The following ATP11C variants were observed in gnomAD, a reference collection of about 807,000 sequenced individuals.
ATP11C encodes the protein ATPase phospholipid transporting 11C (ATP11C blood group).
ATP11C carries 36 observed loss-of-function variants against 97.4 expected under a neutral mutation model. That is an observed-to-expected ratio of 0.37 (90% confidence interval 0.28 to 0.49). The LOEUF is 0.49. Among genes scored for constraint, ATP11C ranks in the 20% least tolerant of loss-of-function variants. ATP11C has a pLI of 0.98. For missense variants in ATP11C, 730 were observed against 824.6 expected (o/e 0.89, Z 1.40); for synonymous variants, 275 against 290.9 (o/e 0.95, Z 0.56).
chrX:139,765,447 T>C (rs1345356575), intron 20 of ATP11C, among the ~76,000 whole-genome samples: 1 of 111,903 alleles, frequency 8.9e-6, no homozygotes, highest in Non-Finnish European at 1.9e-5. Context: ...TGCAGGAATG[T>C]ATGATATTGT....
chrX:139,876,726 G>A (rs773917502), intron 1 of ATP11C, among the ~76,000 whole-genome samples: 1 of 112,288 alleles, frequency 8.9e-6, no homozygotes, highest in East Asian at 2.8e-4. Flanking sequence ...AGGAGGTAAC[G>A]ATGTAGAAAG....
At position 139,932,151 on chromosome X, in the gene ATP11C, A is replaced by T; in HGVS notation, c.-109T>A. On this transcript the variant is annotated 5_prime_UTR_variant, in exon 1 of 30. Transcript: ENST00000682941. ...GCCGGCGGCGCCAAGCGGAGCAGCGAGGCGGGCGGCCGGGCCACCCGCTCG... is the reference window on the plus strand; with the variant it reads ...GCCGGCGGCGCCAAGCGGAGCAGCGTGGCGGGCGGCCGGGCCACCCGCTCG... 1.3e-6 allele frequency: 1 copy of T among 771,761 alleles called. No homozygotes were observed. Among genetic ancestry groups the T allele is most frequent in the Non-Finnish European group, 1.6e-6 (1 of 612,806 alleles). The allele number at this position is 771,761 out of a possible 1,213,427, so 63.6% of individuals were successfully genotyped here. A position where few individuals can be genotyped will look rare whatever the true frequency, so the allele number is the denominator to read the frequency against.
intron 1 of ATP11C, among the ~76,000 whole-genome samples, chrX:139,887,068 C>A (rs2148060448): frequency 9.0e-6 from 1 of 111,655 alleles, no homozygotes; most frequent in East Asian, 2.8e-4. Context: ...TAATTTTTGA[C>A]AAGGATGCCA....
At chrX:139,784,047 A>G (rs1242253020) in intron 16 of ATP11C, among the ~76,000 whole-genome samples, 1 of 112,212 alleles carries the variant, frequency 8.9e-6, no homozygotes, top group African/African-American at 3.2e-5. Flanking sequence ...GAATGCTGGT[A>G]TAATTGCAGC....
At chrX:139,906,279 T>C (rs1448639647) in intron 1 of ATP11C, among the ~76,000 whole-genome samples, 1 of 106,704 alleles carries the variant, frequency 9.4e-6, no homozygotes, top group African/African-American at 3.4e-5. Flanking sequence ...TTAGCTGGGG[T>C]CATGGCATAT....
intron 28 of ATP11C, among the ~76,000 whole-genome samples, chrX:139,736,097 C>A (rs1397731506): frequency 9.0e-6 from 1 of 111,591 alleles, no homozygotes; most frequent in African/African-American, 3.3e-5. Context: ...CCCCTGGCAA[C>A]AGTCTATGCT....
intron 28 of ATP11C, 89 bp downstream of exon 28, chrX:139,737,827 A>G: frequency 1.3e-5 from 12 of 901,774 alleles, no homozygotes; most frequent in Non-Finnish European, 1.9e-5. Flanking sequence ...TGCTGTAACT[A>G]ATGTAATTTT....
At chrX:139,925,898 A>T (rs1261716456) in intron 1 of ATP11C, among the ~76,000 whole-genome samples, 1 of 111,688 alleles carries the variant, frequency 9.0e-6, no homozygotes, top group African/African-American at 3.3e-5. Flanking sequence ...TTTATAAATC[A>T]CATCTTCTAT....
intron 1 of ATP11C, among the ~76,000 whole-genome samples, chrX:139,930,895 G>A (rs1466093278): frequency 8.9e-6 from 1 of 112,412 alleles, no homozygotes; most frequent in East Asian, 2.8e-4. Flanking sequence ...TGTTAGCAAC[G>A]TTTTGATTAG....
At chrX:139,739,258 A>C (rs1241564269) in intron 27 of ATP11C, among the ~76,000 whole-genome samples, 3 of 110,462 alleles carry the variant, frequency 2.7e-5, no homozygotes, top group Non-Finnish European at 3.8e-5. Flanking sequence ...CCTTGGCATC[A>C]TACCTTCTGA....
intron 28 of ATP11C, among the ~76,000 whole-genome samples, chrX:139,736,879 C>T (rs1486425592): frequency 9.0e-6 from 1 of 111,436 alleles, no homozygotes. Flanking sequence ...TCCTCTTTTA[C>T]AATTCTAATC....
At chrX:139,739,680 A>G in intron 27 of ATP11C, among the ~76,000 whole-genome samples, 1 of 111,998 alleles carries the variant, frequency 8.9e-6, no homozygotes, top group East Asian at 2.8e-4. Flanking sequence ...TTCATCAATA[A>G]GGAATAGTCT....
intron 1 of ATP11C, among the ~76,000 whole-genome samples, chrX:139,919,749 A>T (rs371960108): frequency 9.1e-6 from 1 of 110,141 alleles, no homozygotes; most frequent in African/African-American, 3.3e-5. Flanking sequence ...GTGAAACCCC[A>T]TATCTACTAA....
At chrX:139,842,191 G>A (rs1203168450) in intron 1 of ATP11C, among the ~76,000 whole-genome samples, 1 of 111,870 alleles carries the variant, frequency 8.9e-6, no homozygotes, top group African/African-American at 3.3e-5. Context: ...GCCACCACAC[G>A]CACCTAATTT....
chrX:139,733,965 G>A lies in ATP11C; in HGVS notation c.3289-2210C>T, dbSNP rs916783946. 2.4e-4 allele frequency among the ~76,000 whole-genome samples: 27 copies of A among 111,425 alleles called. No individual in the cohort carries two copies. The Admixed American group carries it at 2.6e-3, about 11-fold the overall frequency. On this transcript the variant is annotated intron_variant, in intron 28 of 29. Transcript: ENST00000682941. Reference sequence around the variant, plus strand: ...AAATTGATATAGCTAGCAACCGGCAGTGGGGTGGGGTAAACAGGAGATAAT... The same window carrying A: ...AAATTGATATAGCTAGCAACCGGCAATGGGGTGGGGTAAACAGGAGATAAT...
Position 139,797,183 on chromosome X carries a change from G to T in ATP11C, c.1001C>A (p.Thr334Asn), listed in dbSNP as rs1318540161. 2.5e-6 allele frequency: 3 copies of T among 1,200,099 alleles called. No homozygotes were observed. The highest frequency in any genetic ancestry group is 3.4e-6 in the Non-Finnish European group (3 of 892,244). Residue 334 changes from threonine to asparagine, a missense_variant, in exon 11 of 30, where the codon ACC becomes AAC. Physicochemically the swap from Thr to Asn is moderately conservative, Grantham distance 65. Transcript: ENST00000682941. ...YNQKTQKERETLKVLKMFTDF... is the reference protein window; with the variant it reads ...YNQKTQKERENLKVLKMFTDF... Reference sequence around the variant, plus strand: ...CAGCAGAAAACAAATTACCTTCAAGGTCTCTCGCTCTTTCTGAGTCTTTTG... The same window carrying T: ...CAGCAGAAAACAAATTACCTTCAAGTTCTCTCGCTCTTTCTGAGTCTTTTG...
intron 1 of ATP11C, among the ~76,000 whole-genome samples, chrX:139,894,767 G>T: frequency 8.9e-6 from 1 of 111,926 alleles, no homozygotes; most frequent in Non-Finnish European, 1.9e-5. Context: ...ATCTATTAAT[G>T]TATCAATAAA....
At chrX:139,784,039 A>AAGC (rs1209155901) in intron 16 of ATP11C, among the ~76,000 whole-genome samples, 2 of 112,243 alleles carry the variant, frequency 1.8e-5, no homozygotes, top group African/African-American at 6.5e-5. Context: ...GCTTTGTAGA[A>AAGC]TGCTGGTATA....
chrX:139,769,557 TG>T (rs2082213822), intron 19 of ATP11C, among the ~76,000 whole-genome samples: 1 of 107,922 alleles, frequency 9.3e-6, no homozygotes, highest in African/African-American at 3.4e-5. Flanking sequence ...AAGACAAATG[TG>T]TAACAGGTGC....
Sources: gnomAD v4.1 joint callset for allele counts (sites outside exome capture counted in the v4.1 genomes callset) on GRCh38, gnomAD v4.1.1 for gene constraint, MANE v1.5 for transcripts, NCBI Gene and HGNC (gene_info 2026-07-23, HGNC 2026-07-21) for gene names.